Variants in TTLL8 observed in about 807,000 individuals in gnomAD.
TTLL8 encodes the protein protein monoglycylase TTLL8.
TTLL8 carries 65 observed loss-of-function variants against 77.8 expected under a neutral mutation model. The observed-to-expected ratio is 0.84, with a 90% CI of 0.68 to 1.03. The LOEUF is 1.03. TTLL8 is among the 50% of genes least tolerant of loss of function. The probability of loss-of-function intolerance (pLI) is 0.00; values close to 1 mark genes in which losing one functional copy is unlikely to be tolerated. For synonymous variants in TTLL8, 402 were observed against 422.8 expected (o/e 0.95, Z 0.60); for missense variants, 910 against 1,004.5 (o/e 0.91, Z 1.27).
exon 11 of TTLL8, chr22:50,032,086 G>A: frequency 2.2e-6 from 3 of 1,363,318 alleles, no homozygotes; most frequent in Non-Finnish European, 9.8e-7. Flanking sequence ...CTTCTGGACG[G>A]CGTTGTTGCA....
intron 4 of TTLL8, 34 bp downstream of exon 6, chr22:50,047,134 C>T (rs778719194): frequency 1.8e-5 from 25 of 1,364,158 alleles, no homozygotes; most frequent in Admixed American, 5.7e-5. Flanking sequence ...CCACCCTTGC[C>T]GGCTCCCGCC....
At chr22:50,045,200 T>G in intron 6 of TTLL8, 55 bp downstream of exon 8, 4 of 1,315,556 alleles carry the variant, frequency 3.0e-6, no homozygotes, top group Non-Finnish European at 4.0e-6. Context: ...GGAGGGCCCC[T>G]GTGGAGGCCC....
chr22:50,045,805 A>T, intron 5 of TTLL8, 51 bp downstream of exon 7: 1 of 1,291,858 alleles, frequency 7.7e-7, no homozygotes, highest in Non-Finnish European at 1.0e-6. Flanking sequence ...GGATCTTTCT[A>T]GAAGCCTCTC....
In TTLL8 at chr22:50,041,777, C is replaced by T. The variant is rs1456582074; in HGVS notation, c.674G>A (p.Gly225Asp). 1.5e-6 allele frequency: 2 copies of T among 1,363,692 alleles called. No individual in the cohort carries two copies. Among genetic ancestry groups the T allele is most frequent in the Non-Finnish European group, 2.0e-6 (2 of 1,020,494 alleles). 84.5% of individuals were successfully genotyped at this position (1,363,692 alleles called of 1,614,324 possible). The change falls in exon 7 of 14, where the codon GGC becomes GAC. Residue 225 changes from glycine to aspartate, a missense_variant. Around this residue, in one of 2 missense-constraint regions of TTLL8, gnomAD observed 776 missense variants for 926.1 expected, o/e 0.84. Transcript: ENST00000266182. This position sits in a 1 kb window ranked among gnomAD's most constrained non-coding sequence, Gnocchi z 4.3. ...GATGTCCACAAGCTGCCCCGGGAGG[C>T]CCCTGAGCTTTGCCTCAGCATTTTC...
chr22:50,051,991 G>A (rs897643914), intron 1 of TTLL8, among the ~76,000 whole-genome samples: 31 of 142,486 alleles, frequency 2.2e-4, no homozygotes, highest in Admixed American at 7.2e-4. Flanking sequence ...AATTACAGCT[G>A]TAGCTGGGAA....
chr22:50,033,042 ATCAGCCTCCCAAGCC>A, intron 10 of TTLL8, 145 bp downstream of exon 11: 1 of 762,668 alleles, frequency 1.3e-6, no homozygotes, highest in Non-Finnish European at 1.6e-6. Flanking sequence ...CGGGGAGATC[ATCAGCCTCCCAAGCC>A]TCAGTTTCCC....
chr22:50,023,083 A>C (rs2061214036), intron 12 of TTLL8, among the ~76,000 whole-genome samples: 1 of 152,282 alleles, frequency 6.6e-6, no homozygotes. Context: ...GTACAAAACC[A>C]GGGCATTTCG....
chr22:50,054,172 G>A (rs1223869426), intron 1 of TTLL8, among the ~76,000 whole-genome samples: 1 of 152,194 alleles, frequency 6.6e-6, no homozygotes. Context: ...ATGACTTGGG[G>A]TTCCTCTGTG....
chr22:50,049,444 G>GAGCCA, intron 2 of TTLL8, 122 bp from the exon 5 acceptor site: 1 of 1,093,194 alleles, frequency 9.1e-7, no homozygotes, highest in Non-Finnish European at 1.2e-6. Flanking sequence ...GCTCCAGATG[G>GAGCCA]GGCCTTCCCC....
intron 12 of TTLL8, among the ~76,000 whole-genome samples, chr22:50,019,894 C>G (rs534052981): frequency 6.6e-6 from 1 of 152,010 alleles, no homozygotes; most frequent in Non-Finnish European, 1.5e-5. Flanking sequence ...ACTGGCAGTC[C>G]GGAATTTTAT....
At position 50,049,109 on chromosome 22, in the gene TTLL8, G is replaced by C. The variant is rs2061429426; in HGVS notation, c.264+140C>G. 3.2e-5 allele frequency: 41 copies of C among 1,272,590 alleles called. No homozygotes were observed. In the South Asian group the frequency reaches 5.5e-4, roughly 17 times the overall value. The allele number at this position is 1,272,590 out of a possible 1,614,324, so 78.8% of individuals were successfully genotyped here. A position where few individuals can be genotyped will look rare whatever the true frequency, so the allele number is the denominator to read the frequency against. On this transcript the variant is annotated intron_variant, in intron 3 of 13. Transcript: ENST00000266182. ...CAGCCAGGCCCTGCTGCCCGGTCAA[G>C]GGGCCCTGCTGTGACTGGGGCTTTG...
upstream of TTLL8, chr22:50,056,688 C>G (rs2061472516): frequency 1.1e-6 from 1 of 938,628 alleles, no homozygotes. The surrounding 1 kb of genome is among the most constrained non-coding windows in gnomAD (Gnocchi z 4.1). Context: ...GCCAGCGCCC[C>G]CCAACACCCC....
intron 12 of TTLL8, among the ~76,000 whole-genome samples, chr22:50,021,240 G>A (rs1327428322): frequency 3.5e-5 from 5 of 140,950 alleles, no homozygotes; most frequent in South Asian, 2.3e-4. Flanking sequence ...TCCATCTGAC[G>A]ACATGTACTC....
intron 1 of TTLL8, among the ~76,000 whole-genome samples, chr22:50,051,172 A>C (rs965218961): frequency 2.6e-5 from 4 of 151,990 alleles, no homozygotes; most frequent in Non-Finnish European, 5.9e-5. Flanking sequence ...CCAATATGTA[A>C]TCTTTTATCC....
rs759567270 is a variant in TTLL8, at chr22:50,041,215, A to G, written c.893T>C (p.Phe298Ser). 2.1e-6 allele frequency: 1 copy of G among 468,828 alleles called. No homozygotes were observed. The highest frequency in any genetic ancestry group is 2.8e-5 in the Admixed American group (1 of 35,804). The allele number at this position is 468,828 out of a possible 1,614,324, so 29.0% of individuals were successfully genotyped here. The stretch of plus-strand genomic sequence containing the variant: ...CCTGTCTCGGGCTGTGGGGGGCTCA[A>G]ATGACATCATAACCTTCTGGATTTT... Residue 298 changes from phenylalanine to serine, a missense_variant, in exon 8 of 14, where the codon TTT becomes TCT. By Grantham distance (155) the Phe-to-Ser change is radical. Around this residue, in one of 2 missense-constraint regions of TTLL8, gnomAD observed 776 missense variants for 926.1 expected, o/e 0.84. Transcript: ENST00000266182. This position sits in a 1 kb window ranked among gnomAD's most constrained non-coding sequence, Gnocchi z 4.3.
At chr22:50,030,103 G>C in intron 12 of TTLL8, 2 of 916,332 alleles carry the variant, frequency 2.2e-6, no homozygotes, top group South Asian at 5.0e-5. Flanking sequence ...GCTGTTCAAG[G>C]TCCTAACTCA....
chr22:50,030,931 GGGAA>G lies in TTLL8; in HGVS notation c.1708-10_1708-7del. ...GGGGGCGGCTCAACCACCGGCTGTG[GGGAA>G]GGAACAGGTTGGGGTGCTGGGCTGT... On this transcript the variant is annotated splice_region_variant and splice_polypyrimidine_tract_variant and intron_variant, in intron 11 of 13. Coordinates refer to ENST00000266182, the Ensembl canonical transcript of TTLL8. 1.5e-6 allele frequency: 2 copies of G among 1,316,888 alleles called. No individual in the cohort carries two copies. Among genetic ancestry groups the G allele is most frequent in the Non-Finnish European group, 2.0e-6 (2 of 1,004,248 alleles). 81.6% of individuals were successfully genotyped at this position (1,316,888 alleles called of 1,614,324 possible).
At chr22:50,024,315 T>G (rs1214149183) in intron 12 of TTLL8, among the ~76,000 whole-genome samples, 1 of 151,948 alleles carries the variant, frequency 6.6e-6, no homozygotes, top group Non-Finnish European at 1.5e-5. Context: ...TTTTTTTTAG[T>G]AGTTTCGCCA....
exon 11 of TTLL8, chr22:50,032,026 A>G (rs755634653): frequency 2.2e-6 from 3 of 1,366,374 alleles, no homozygotes; most frequent in African/African-American, 3.0e-5. Flanking sequence ...GCTGGTCCAC[A>G]TGTTGTGTGC....
Sources: allele counts gnomAD v4.1 joint callset (sites outside exome capture counted in the v4.1 genomes callset), GRCh38; gene constraint gnomAD v4.1.1; regional missense constraint gnomAD v4.1.1; non-coding constraint Gnocchi (gnomAD v3.1); transcripts MANE v1.5; gene names NCBI Gene and HGNC (gene_info 2026-07-23, HGNC 2026-07-21).